The following ATXN2 variants were observed in gnomAD, a reference collection of about 807,000 sequenced individuals.
ATXN2 encodes ataxin 2.
A neutral mutation model predicts 138.6 loss-of-function variants in ATXN2; 37 were observed. The observed-to-expected ratio is 0.27, with a 90% CI of 0.21 to 0.35. The LOEUF (loss-of-function observed/expected upper bound fraction) is 0.35. Ranked by LOEUF, ATXN2 falls within the 10% of genes least tolerant of loss-of-function variation. The pLI is 1.00. For missense variants in ATXN2, 1,216 were observed against 1,480.3 expected, an observed-to-expected ratio of 0.82 and a Z score of 2.93; for synonymous variants, 549 against 543.7, an observed-to-expected ratio of 1.01 and a Z score of -0.13.
At chr12:111,487,304 C>G (rs1933897609) in intron 15 of ATXN2, among the ~76,000 whole-genome samples, 1 of 152,006 alleles carries the variant, frequency 6.6e-6, no homozygotes, top group East Asian at 1.9e-4. Flanking sequence ...CCACGCTGAC[C>G]TTAAGTGATC....
intron 1 of ATXN2, among the ~76,000 whole-genome samples, chr12:111,567,986 C>T (rs761267820): frequency 5.3e-5 from 8 of 152,002 alleles, no homozygotes; most frequent in African/African-American, 1.4e-4. Flanking sequence ...GGAGGCCGGG[C>T]GCAGTGGCTC....
In ATXN2 at chr12:111,599,053, C is replaced by A; in HGVS notation, c.-19G>T. The A allele has an allele frequency of 6.9e-7, 1 of 1,451,246 alleles. No individual in the cohort carries two copies. The highest frequency in any genetic ancestry group is 9.1e-7 in the Non-Finnish European group (1 of 1,102,756). 89.9% of individuals were successfully genotyped at this position (1,451,246 alleles called of 1,614,324 possible). A position where few individuals can be genotyped will look rare whatever the true frequency, so the allele number is the denominator to read the frequency against. ...GCGACATGGTGAGGGGCCCATACAC[C>A]GGCTCGCACGCCGGGCGGGGACAGC... On this transcript the variant is annotated 5_prime_UTR_variant, in exon 1 of 25. Coordinates refer to ENST00000673436, the MANE Select transcript of ATXN2 (RefSeq NM_001372574.1).
intron 13 of ATXN2, 62 bp downstream of exon 13, chr12:111,509,829 T>G: frequency 1.6e-6 from 2 of 1,285,498 alleles, no homozygotes; most frequent in Non-Finnish European, 2.2e-6. Context: ...TGTATGGGCA[T>G]GAAATTAGAC....
At chr12:111,597,627 C>T in intron 1 of ATXN2, 1 of 427,816 alleles carries the variant, frequency 2.3e-6, no homozygotes, top group Non-Finnish European at 4.7e-6. Flanking sequence ...CCGCCACCCC[C>T]AACAGGCCCT....
At chr12:111,541,343 ATTCTT>A (rs1881493168) in intron 5 of ATXN2, among the ~76,000 whole-genome samples, 1 of 123,424 alleles carries the variant, frequency 8.1e-6, no homozygotes, top group African/African-American at 2.8e-5. Context: ...GACAGTTATA[ATTCTT>A]TTTTTTTTTT....
chr12:111,560,392 T>G (rs1397312690), intron 1 of ATXN2, among the ~76,000 whole-genome samples: 1 of 152,094 alleles, frequency 6.6e-6, no homozygotes, highest in African/African-American at 2.4e-5. Context: ...AGAGCATCCA[T>G]AAATTTTTAT....
intron 1 of ATXN2, among the ~76,000 whole-genome samples, chr12:111,591,310 G>A (rs1884652615): frequency 6.6e-6 from 1 of 152,108 alleles, no homozygotes; most frequent in Non-Finnish European, 1.5e-5. Flanking sequence ...GCATGATCTT[G>A]TGTATATATT....
intron 13 of ATXN2, 43 bp downstream of exon 13, chr12:111,509,848 T>TC (rs764168415): frequency 2.8e-6 from 4 of 1,410,266 alleles, no homozygotes; most frequent in Non-Finnish European, 4.0e-6. Context: ...ACATACTTCT[T>TC]CCTATTCCTA....
At chr12:111,537,541 C>T (rs1242070745) in intron 5 of ATXN2, among the ~76,000 whole-genome samples, 1 of 151,336 alleles carries the variant, frequency 6.6e-6, no homozygotes, top group Non-Finnish European at 1.5e-5. Flanking sequence ...TGCAATCATG[C>T]CACTGCGCTC....
intron 14 of ATXN2, among the ~76,000 whole-genome samples, chr12:111,491,306 C>T (rs1878016738): frequency 6.6e-6 from 1 of 152,108 alleles, no homozygotes; most frequent in Admixed American, 6.6e-5. Context: ...TGGGTAAAGT[C>T]CTCTGGGGTC....
chr12:111,577,095 CT>C (rs1185938712), intron 1 of ATXN2, among the ~76,000 whole-genome samples: 1 of 151,906 alleles, frequency 6.6e-6, no homozygotes, highest in Non-Finnish European at 1.5e-5. Flanking sequence ...TCGTGAGCCA[CT>C]GCGCCTGGCC....
At chr12:111,486,685 G>C (rs1349393278) in intron 16 of ATXN2, 76 bp downstream of exon 16, 38 of 1,235,470 alleles carry the variant, frequency 3.1e-5, no homozygotes, top group Admixed American at 1.0e-4. Flanking sequence ...CAGATGGCAG[G>C]TATGGAAGAA....
intron 20 of ATXN2, among the ~76,000 whole-genome samples, chr12:111,465,767 C>CAAAAAAAAA (rs61456193): frequency 2.8e-5 from 1 of 36,270 alleles, no homozygotes; most frequent in East Asian, 3.8e-4. Flanking sequence ...GAGACTACCT[C>CAAAAAAAAA]AAAAAAAAAA....
intron 18 of ATXN2, among the ~76,000 whole-genome samples, chr12:111,482,422 C>T (rs1877309865): frequency 6.6e-6 from 1 of 151,746 alleles, no homozygotes; most frequent in Non-Finnish European, 1.5e-5. Context: ...TCTTGATCTC[C>T]TGACCTCGTG....
Position 111,508,441 on chromosome 12 carries a change from C to CTTT in ATXN2, c.1935+1105_1935+1107dup, listed in dbSNP as rs66643315. ...AACTATTGTTTAACAAATTGAAAAA[C>CTTT]TTTTTTTTTTTTTTTTTTTTTTTGA... On this transcript the variant is annotated intron_variant, in intron 14 of 24. Coordinates refer to ENST00000673436, the MANE Select transcript of ATXN2 (RefSeq NM_001372574.1). Among the ~76,000 whole-genome samples the CTTT allele has an allele frequency of 8.8e-3, 756 of 85,666 alleles. 13 individuals carry two copies. The highest frequency in any genetic ancestry group is 0.033 in the East Asian group (72 of 2,194). 56.2% of individuals were successfully genotyped at this position (85,666 alleles called of 152,430 possible).
At chr12:111,471,735 C>A (rs548641119) in intron 18 of ATXN2, 2 of 151,226 alleles carry the variant, frequency 1.3e-5, no homozygotes, top group South Asian at 4.2e-4. Flanking sequence ...CTTGGATGCA[C>A]GTATTTAAAA....
chr12:111,473,144 C>T (rs1322721185), intron 18 of ATXN2, among the ~76,000 whole-genome samples: 3 of 151,854 alleles, frequency 2.0e-5, no homozygotes, highest in African/African-American at 4.8e-5. Flanking sequence ...CACGGTGGTG[C>T]TTGCCTGTAG....
Position 111,552,972 on chromosome 12 carries a change from G to A in ATXN2, c.354C>T (p.Ser118=). 1.3e-6 allele frequency: 2 copies of A among 1,551,518 alleles called. No homozygotes were observed. Among genetic ancestry groups the A allele is most frequent in the Admixed American group, 2.1e-5 (1 of 48,106 alleles). The stretch of plus-strand genomic sequence containing the variant: ...CATTTTTCACTTGTACTTCACATTT[G>A]GAGCCCTAAAAACATATAATTTATT... ...MVHILTSVVG[S]KCEVQVKNGG... Residue 118 remains serine (S), a synonymous_variant, in exon 4 of 25, where the codon TCC becomes TCT. Transcript: ENST00000673436. This position sits in a 1 kb window ranked among gnomAD's most constrained non-coding sequence, Gnocchi z 4.1.
chr12:111,501,033 AATG>A (rs1415374592), intron 14 of ATXN2, among the ~76,000 whole-genome samples: 6 of 152,158 alleles, frequency 3.9e-5, no homozygotes, highest in Non-Finnish European at 8.8e-5. Context: ...TACACAAAGA[AATG>A]ATGAATGATG....
Sources: allele counts gnomAD v4.1 joint callset (sites outside exome capture counted in the v4.1 genomes callset), GRCh38; gene constraint gnomAD v4.1.1; non-coding constraint Gnocchi (gnomAD v3.1); transcripts MANE v1.5; gene names NCBI Gene and HGNC (gene_info 2026-07-23, HGNC 2026-07-21).